Variants in NETO1 observed in about 807,000 individuals in gnomAD.
NETO1 encodes the protein neuropilin and tolloid-like protein 1.
In NETO1, 26 loss-of-function variants were observed where a neutral mutation model predicts 61.3. The observed-to-expected ratio is 0.42, with a 90% CI of 0.31 to 0.59. The LOEUF (loss-of-function observed/expected upper bound fraction) is 0.59. Among genes scored for constraint, NETO1 ranks in the 20% least tolerant of loss-of-function variants. The pLI, the probability that NETO1 is intolerant of heterozygous loss-of-function variation, is 0.12. For synonymous variants in NETO1, 225 were observed against 225.8 expected, an observed-to-expected ratio of 1.00 and a Z score of 0.03; for missense variants, 531 against 662.8, an observed-to-expected ratio of 0.80 and a Z score of 2.18.
intron 7 of NETO1, among the ~76,000 whole-genome samples, chr18:72,767,639 G>A (rs2071209588): frequency 6.6e-6 from 1 of 152,012 alleles, no homozygotes; most frequent in South Asian, 2.1e-4. Flanking sequence ...AAAGTCCATC[G>A]ATAATTCATT....
Position 72,867,422 on chromosome 18 carries a change from C to A in NETO1, c.-131G>T. ...AAGCAAGAAGGAAATAAAGGGGGGC[C>A]GAGAGGGAGACCGAGAGGAAGGGGG... On this transcript the variant is annotated 5_prime_UTR_variant, in exon 1 of 11. Coordinates refer to ENST00000327305, the MANE Select transcript of NETO1 (RefSeq NM_138966.5). The A allele has an allele frequency of 1.8e-6, 1 of 549,884 alleles. No homozygotes were observed. The highest frequency in any genetic ancestry group is 3.0e-6 in the Non-Finnish European group (1 of 334,148). 34.1% of individuals were successfully genotyped at this position (549,884 alleles called of 1,614,324 possible). A position where few individuals can be genotyped will look rare whatever the true frequency, so the allele number is the denominator to read the frequency against.
chr18:72,865,472 C>T, intron 1 of NETO1: 1 of 1,396,164 alleles, frequency 7.2e-7, no homozygotes, highest in Non-Finnish European at 9.9e-7. Context: ...GACCCAAACT[C>T]CTAAGGCAAA....
intron 4 of NETO1, among the ~76,000 whole-genome samples, chr18:72,838,018 C>T (rs1223120818): frequency 1.3e-5 from 2 of 152,026 alleles, no homozygotes; most frequent in Non-Finnish European, 1.5e-5. Context: ...TCACCATCCC[C>T]TATGACAGGT....
chr18:72,794,736 T>C (rs1484339499), intron 4 of NETO1, among the ~76,000 whole-genome samples: 1 of 152,180 alleles, frequency 6.6e-6, no homozygotes. Flanking sequence ...ATTAGTCATA[T>C]TATCTATCCT....
chr18:72,862,023 G>C (rs954422261), intron 3 of NETO1, among the ~76,000 whole-genome samples: 3 of 152,248 alleles, frequency 2.0e-5, no homozygotes, highest in East Asian at 3.9e-4. Context: ...GTGCGCACCT[G>C]ACCCTCCTGC....
At chr18:72,806,225 C>T (rs2072670252) in intron 4 of NETO1, among the ~76,000 whole-genome samples, 1 of 152,148 alleles carries the variant, frequency 6.6e-6, no homozygotes, top group Non-Finnish European at 1.5e-5. Flanking sequence ...TGACCAATCA[C>T]TTTATTTTAG....
rs2074773482 is a variant in NETO1 at position 72,867,369 on chromosome 18, G to A, written c.-78C>T. 3 of 1,273,226 alleles carry A rather than the reference G, an allele frequency of 2.4e-6. No individual in the cohort carries two copies. Among genetic ancestry groups the A allele is most frequent in the Non-Finnish European group, 2.2e-6 (2 of 922,504 alleles). 78.9% of individuals were successfully genotyped at this position (1,273,226 alleles called of 1,614,324 possible). ...GGAAGACTTCCAGTGGCGGGGGGAG[G>A]ACAGGGTCGAGAGGTGTTAAAGACG... On this transcript the variant is annotated 5_prime_UTR_variant, in exon 1 of 11. Coordinates refer to ENST00000327305, the MANE Select transcript of NETO1 (RefSeq NM_138966.5).
At chr18:72,748,319 A>G in intron 10 of NETO1, 155 bp from the exon 11 acceptor site, 2 of 983,748 alleles carry the variant, frequency 2.0e-6, no homozygotes, top group Non-Finnish European at 2.4e-6. Context: ...GCTGTCAAGC[A>G]GATTCAATTG....
intron 1 of NETO1, among the ~76,000 whole-genome samples, chr18:72,866,261 C>A (rs553784071): frequency 1.7e-4 from 26 of 152,154 alleles, no homozygotes; most frequent in African/African-American, 5.3e-4. Flanking sequence ...TAAAGCTCAC[C>A]ACAGGCTTAT....
chr18:72,768,025 G>C (rs900948046), intron 7 of NETO1, among the ~76,000 whole-genome samples: 1 of 152,274 alleles, frequency 6.6e-6, no homozygotes, highest in East Asian at 1.9e-4. Flanking sequence ...TAAAGTCCAG[G>C]CATCACACGT....
chr18:72,845,306 G>A (rs529096399), intron 4 of NETO1, among the ~76,000 whole-genome samples: 7 of 152,254 alleles, frequency 4.6e-5, no homozygotes, highest in South Asian at 2.1e-4. Context: ...AGATTAAGTC[G>A]ATTGCTGCTT....
intron 1 of NETO1, 50 bp downstream of exon 1, chr18:72,867,212 GGC>G: frequency 7.0e-7 from 1 of 1,421,692 alleles, no homozygotes; most frequent in Non-Finnish European, 9.5e-7. Flanking sequence ...CCGGGAAAGG[GGC>G]GGGAGGGCTG....
chr18:72,760,399 G>A (rs1044799080), intron 7 of NETO1, among the ~76,000 whole-genome samples: 1 of 152,182 alleles, frequency 6.6e-6, no homozygotes, highest in Non-Finnish European at 1.5e-5. Context: ...AGCTCAGAGA[G>A]TACTTCTCCA....
At chr18:72,824,478 A>G (rs975190371) in intron 4 of NETO1, among the ~76,000 whole-genome samples, 2 of 152,190 alleles carry the variant, frequency 1.3e-5, no homozygotes, top group African/African-American at 2.4e-5. Flanking sequence ...TCTGGGAAAT[A>G]CTCATTAACT....
chr18:72,823,902 G>A (rs886064819), intron 4 of NETO1, among the ~76,000 whole-genome samples: 41 of 152,178 alleles, frequency 2.7e-4, no homozygotes, highest in Non-Finnish European at 2.2e-4. Context: ...CCTAAACAGA[G>A]GAGAAGCTTG....
intron 7 of NETO1, among the ~76,000 whole-genome samples, chr18:72,766,504 TC>T (rs1032879941): frequency 1.4e-4 from 22 of 152,238 alleles, no homozygotes; most frequent in African/African-American, 4.8e-4. Context: ...TATCTTTTTT[TC>T]ATGTCCTTTA....
chr18:72,742,726 T>A (rs1363545060), downstream of NETO1: 1 of 152,206 alleles, frequency 6.6e-6, no homozygotes, highest in Non-Finnish European at 1.5e-5. Context: ...TCATTGTTTA[T>A]TGTGTAATCT....
chr18:72,807,715 AACAC>A (rs72126949), intron 4 of NETO1, among the ~76,000 whole-genome samples: 2,130 of 65,322 alleles, frequency 0.033, 49 homozygotes, highest in African/African-American at 0.061. Context: ...TGAAGACAAG[AACAC>A]ACACACACAC....
intron 4 of NETO1, among the ~76,000 whole-genome samples, chr18:72,841,732 TCAA>T (rs796195389): frequency 4.5e-3 from 5 of 1,106 alleles, no homozygotes; most frequent in African/African-American, 7.0e-3. Context: ...AGACTCTACC[TCAA>T]CAAAAAAAAA....
Sources: gnomAD v4.1 joint callset for allele counts (sites outside exome capture counted in the v4.1 genomes callset) on GRCh38, gnomAD v4.1.1 for gene constraint, MANE v1.5 for transcripts, NCBI Gene and HGNC (gene_info 2026-07-23, HGNC 2026-07-21) for gene names.